AFG2A: variants seen among roughly 807,000 people sequenced by gnomAD.
AFG2A encodes AAA ATPase AFG2A, also known as ATPase family gene 2 protein homolog A.
At chr4:123,205,377 A>G in the AFG2A span, among the ~76,000 whole-genome samples, 84,443 of 151,734 alleles carry the variant, frequency 0.56, 26,592 homozygotes, top group Non-Finnish European at 0.69. Flanking sequence ...TATACATAAT[A>G]CAGTCAGCCC....
chr4:123,235,843 A>G, the AFG2A span, among the ~76,000 whole-genome samples: 3 of 152,210 alleles, frequency 2.0e-5, no homozygotes, highest in Non-Finnish European at 2.9e-5. Context: ...TTTTTGTTAT[A>G]AATATTGTTA....
chr4:122,941,107 G>C, the AFG2A span, among the ~76,000 whole-genome samples: 1 of 149,976 alleles, frequency 6.7e-6, no homozygotes, highest in South Asian at 2.1e-4. Context: ...GATTGACTTG[G>C]TGATGCGGGC....
At chr4:122,969,912 G>A in the AFG2A span, among the ~76,000 whole-genome samples, 1 of 152,188 alleles carries the variant, frequency 6.6e-6, no homozygotes, top group African/African-American at 2.4e-5. Flanking sequence ...GCATAACGAT[G>A]TTTTAGTCAA....
At chr4:123,275,369 AT>A in the AFG2A span, among the ~76,000 whole-genome samples, 1 of 152,054 alleles carries the variant, frequency 6.6e-6, no homozygotes, top group African/African-American at 2.4e-5. Context: ...ACTACAAAAA[AT>A]TTTTTTATGA....
At chr4:122,985,228 C>T in the AFG2A span, among the ~76,000 whole-genome samples, 1 of 151,302 alleles carries the variant, frequency 6.6e-6, no homozygotes, top group Non-Finnish European at 1.5e-5. Flanking sequence ...CAGATTCAAG[C>T]GATTCTCCTC....
At chr4:123,197,480 C>T in the AFG2A span, among the ~76,000 whole-genome samples, 10 of 152,072 alleles carry the variant, frequency 6.6e-5, no homozygotes, top group Non-Finnish European at 1.0e-4. Flanking sequence ...TATAAGCATA[C>T]GTACTTAGGC....
chr4:122,942,502 C>T, the AFG2A span, among the ~76,000 whole-genome samples: 72 of 151,884 alleles, frequency 4.7e-4, no homozygotes, highest in Non-Finnish European at 5.7e-4. Context: ...TTTTTTATTG[C>T]GTCTATTTGA....
chr4:123,261,028 A>G, the AFG2A span, among the ~76,000 whole-genome samples: 2 of 152,164 alleles, frequency 1.3e-5, no homozygotes, highest in Non-Finnish European at 2.9e-5. Context: ...CGAGGGATCT[A>G]GGTTGTGTGC....
the AFG2A span, among the ~76,000 whole-genome samples, chr4:123,007,642 A>ACAAC: frequency 1.6e-4 from 4 of 25,506 alleles, no homozygotes; most frequent in African/African-American, 4.0e-4. Flanking sequence ...ACACACACAC[A>ACAAC]ACACACACAC....
At chr4:122,985,538 C>T in the AFG2A span, among the ~76,000 whole-genome samples, 2 of 152,102 alleles carry the variant, frequency 1.3e-5, no homozygotes, top group Non-Finnish European at 2.9e-5. Context: ...GGAATTTATT[C>T]ATCTCTTCTA....
the AFG2A span, among the ~76,000 whole-genome samples, chr4:123,149,187 G>T: frequency 2.7e-4 from 41 of 152,260 alleles, no homozygotes; most frequent in African/African-American, 9.6e-4. Flanking sequence ...GAGAAATCAA[G>T]AATCAGGTGA....
chr4:123,102,839 G>GTGTGTGTGTGT, the AFG2A span, among the ~76,000 whole-genome samples: 3 of 83,408 alleles, frequency 3.6e-5, no homozygotes, highest in African/African-American at 1.3e-4. Flanking sequence ...TGTGTGTGTG[G>GTGTGTGTGTGT]TGTCAAAAAA....
chr4:123,155,425 T>C, the AFG2A span, among the ~76,000 whole-genome samples: 1 of 152,140 alleles, frequency 6.6e-6, no homozygotes, highest in Non-Finnish European at 1.5e-5. Context: ...CATTGTCTTT[T>C]TTTCCCTGTC....
the AFG2A span, among the ~76,000 whole-genome samples, chr4:123,011,634 T>A: frequency 1.3e-5 from 2 of 152,202 alleles, no homozygotes; most frequent in African/African-American, 4.8e-5. Context: ...TCTGGCTATT[T>A]GGAACCACTG....
the AFG2A span, among the ~76,000 whole-genome samples, chr4:123,029,013 A>G: frequency 6.6e-6 from 1 of 152,214 alleles, no homozygotes; most frequent in Non-Finnish European, 1.5e-5. Context: ...CACACATATA[A>G]AACTGTAAAT....
chr4:123,085,182 C>T, the AFG2A span, among the ~76,000 whole-genome samples: 5 of 152,066 alleles, frequency 3.3e-5, no homozygotes, highest in Non-Finnish European at 7.4e-5. Flanking sequence ...AATGTGTTGG[C>T]TGTTGCTGTA....
chr4:123,085,649 C>A, the AFG2A span, among the ~76,000 whole-genome samples: 1 of 151,576 alleles, frequency 6.6e-6, no homozygotes, highest in Non-Finnish European at 1.5e-5. Flanking sequence ...TTTTTTTATT[C>A]ATTCAATCTC....
At chr4:123,289,438 A>T in the AFG2A span, among the ~76,000 whole-genome samples, 1 of 152,320 alleles carries the variant, frequency 6.6e-6, no homozygotes, top group East Asian at 1.9e-4. Context: ...GGTTGATTCC[A>T]TACCCTTGTG....
At chr4:122,952,412 C>T in the AFG2A span, among the ~76,000 whole-genome samples, 1 of 152,152 alleles carries the variant, frequency 6.6e-6, no homozygotes, top group African/African-American at 2.4e-5. Flanking sequence ...CTTGACTAAA[C>T]AGTATAGGGG....
Sources: gnomAD v4.1 joint callset for allele counts (sites outside exome capture counted in the v4.1 genomes callset) on GRCh38, gnomAD v4.1.1 for gene constraint, MANE v1.5 for transcripts, NCBI Gene and HGNC (gene_info 2026-07-23, HGNC 2026-07-21) for gene names.